Variants in SEMA6D observed in about 807,000 individuals in gnomAD.
SEMA6D encodes semaphorin 6D.
SEMA6D carries 35 observed loss-of-function variants against 106.6 expected under a neutral mutation model. The ratio of observed to expected loss-of-function variants is 0.33; its 90% CI spans 0.25 to 0.44. The LOEUF (loss-of-function observed/expected upper bound fraction) is 0.44, where lower values mean the gene tolerates loss of function less well. Ranked by LOEUF, SEMA6D falls within the 20% of genes least tolerant of loss-of-function variation. The pLI, the probability that SEMA6D is intolerant of heterozygous loss-of-function variation, is 1.00. For synonymous variants in SEMA6D, 499 were observed against 487.7 expected (o/e 1.02, Z -0.31); for missense variants, 1,185 against 1,345.9 (o/e 0.88, Z 1.87).
In SEMA6D at chr15:47,349,478, A is replaced by T. The variant is rs566343440; in HGVS notation, c.-238-62915A>T. On this transcript the variant is annotated intron_variant, in intron 1 of 19. Coordinates refer to the SEMA6D transcript ENST00000558014. ...AATTCAGTATGCCAAGATGTATTAG[A>T]TATAAAGACAGATAAATATTACCCA... 5.9e-5 allele frequency among the ~76,000 whole-genome samples: 9 copies of T among 152,294 alleles called. No homozygotes were observed. In the South Asian group the frequency reaches 1.9e-3, roughly 32 times the overall value.
chr15:47,587,916 G>C (rs1011703087), intron 3 of SEMA6D, among the ~76,000 whole-genome samples: 12 of 152,006 alleles, frequency 7.9e-5, no homozygotes, highest in African/African-American at 2.9e-4. Context: ...AGCTAAATGA[G>C]AGTTGAGATG....
At chr15:47,706,301 G>T (rs1486661259) in intron 4 of SEMA6D, among the ~76,000 whole-genome samples, 3 of 152,124 alleles carry the variant, frequency 2.0e-5, no homozygotes, top group African/African-American at 7.2e-5. Flanking sequence ...TTTAAAAGAT[G>T]AGGAAAAAAT....
At chr15:47,212,971 CTG>C (rs2030186769) in intron 1 of SEMA6D, among the ~76,000 whole-genome samples, 1 of 152,164 alleles carries the variant, frequency 6.6e-6, no homozygotes, top group Non-Finnish European at 1.5e-5. Flanking sequence ...AGCACTATTC[CTG>C]TCTCATATAT....
At chr15:47,551,954 C>G (rs2045707337) in intron 3 of SEMA6D, among the ~76,000 whole-genome samples, 1 of 151,938 alleles carries the variant, frequency 6.6e-6, no homozygotes, top group African/African-American at 2.4e-5. Context: ...CCTTAGGTAT[C>G]AAGAGCTACC....
chr15:47,195,892 G>A (rs1223171104), intron 1 of SEMA6D, among the ~76,000 whole-genome samples: 6 of 151,848 alleles, frequency 4.0e-5, no homozygotes, highest in Non-Finnish European at 1.5e-5. Flanking sequence ...CCTACAGATG[G>A]GGATTCAACG....
intron 1 of SEMA6D, among the ~76,000 whole-genome samples, chr15:47,275,332 G>C (rs563944035): frequency 1.3e-5 from 2 of 152,180 alleles, no homozygotes; most frequent in Non-Finnish European, 2.9e-5. Context: ...GTTAGTATAA[G>C]GATACCTTAT....
chr15:47,210,259 C>G (rs62017394), intron 1 of SEMA6D, among the ~76,000 whole-genome samples: 1,852 of 152,184 alleles, frequency 0.012, 43 homozygotes, highest in Admixed American at 0.012. Flanking sequence ...TTTTTCTGCA[C>G]ATTTCTGTTT....
intron 2 of SEMA6D, among the ~76,000 whole-genome samples, chr15:47,434,969 G>C (rs1274560599): frequency 6.6e-6 from 1 of 152,046 alleles, no homozygotes; most frequent in Non-Finnish European, 1.5e-5. Context: ...ACAGTTCTTT[G>C]ACAGCTTTCT....
chr15:47,410,999 T>C, intron 1 of SEMA6D, among the ~76,000 whole-genome samples: 1 of 152,058 alleles, frequency 6.6e-6, no homozygotes. Context: ...GATGAGTGGC[T>C]GTGGCCTGAC....
At chr15:47,209,847 T>C (rs1895361389) in intron 1 of SEMA6D, among the ~76,000 whole-genome samples, 1 of 152,208 alleles carries the variant, frequency 6.6e-6, no homozygotes, top group Non-Finnish European at 1.5e-5. Context: ...GAAATTCTTA[T>C]GAATGCTTTT....
chr15:47,549,233 G>A (rs958285153), intron 3 of SEMA6D, among the ~76,000 whole-genome samples: 3 of 152,142 alleles, frequency 2.0e-5, no homozygotes, highest in Non-Finnish European at 4.4e-5. Flanking sequence ...CCCGACCCCA[G>A]CCTTCCCTGC....
chr15:47,483,706 G>A (rs568767845), intron 3 of SEMA6D, among the ~76,000 whole-genome samples: 2 of 151,922 alleles, frequency 1.3e-5, no homozygotes, highest in East Asian at 3.9e-4. Flanking sequence ...GTTACCATGG[G>A]GACTATATTT....
intron 4 of SEMA6D, among the ~76,000 whole-genome samples, chr15:47,625,734 G>A (rs2077190666): frequency 6.6e-6 from 1 of 151,180 alleles, no homozygotes; most frequent in Non-Finnish European, 1.5e-5. Flanking sequence ...TTTGAAAAAA[G>A]AAAATATGCA....
chr15:47,227,979 A>G (rs1158965394), intron 1 of SEMA6D, among the ~76,000 whole-genome samples: 4 of 136,446 alleles, frequency 2.9e-5, no homozygotes, highest in African/African-American at 1.1e-4. Flanking sequence ...TATATTTTAT[A>G]TATATAAGAT....
At chr15:47,311,254 A>G (rs2036437710) in intron 1 of SEMA6D, among the ~76,000 whole-genome samples, 1 of 152,192 alleles carries the variant, frequency 6.6e-6, no homozygotes, top group Non-Finnish European at 1.5e-5. Flanking sequence ...GTAGAGTAGG[A>G]TTCGGTTGCC....
intron 3 of SEMA6D, among the ~76,000 whole-genome samples, chr15:47,529,620 A>AAAG (rs67065744): frequency 6.6e-6 from 1 of 150,772 alleles, no homozygotes; most frequent in Non-Finnish European, 1.5e-5. Context: ...AAAAAAAAAA[A>AAAG]CAAGTCATCT....
intron 1 of SEMA6D, among the ~76,000 whole-genome samples, chr15:47,187,056 A>C (rs191815010): frequency 2.0e-5 from 3 of 152,126 alleles, no homozygotes; most frequent in African/African-American, 4.8e-5. Flanking sequence ...CCTCCTGGCC[A>C]TTCGCGTTTA....
chr15:47,721,419 A>G (rs1405247053), intron 1 of SEMA6D, among the ~76,000 whole-genome samples: 1 of 152,226 alleles, frequency 6.6e-6, no homozygotes, highest in African/African-American at 2.4e-5. Flanking sequence ...GTTAATATCT[A>G]CCAAAGCTAG....
At chr15:47,495,529 T>G (rs1479979976) in intron 3 of SEMA6D, among the ~76,000 whole-genome samples, 1 of 152,010 alleles carries the variant, frequency 6.6e-6, no homozygotes, top group Admixed American at 6.6e-5. Flanking sequence ...GTCTTGTTTA[T>G]GAATCCATGA....
Sources: allele counts gnomAD v4.1 joint callset (sites outside exome capture counted in the v4.1 genomes callset), GRCh38; gene constraint gnomAD v4.1.1; transcripts MANE v1.5; gene names NCBI Gene and HGNC (gene_info 2026-07-23, HGNC 2026-07-21).